TBPL2: variants seen among roughly 807,000 people sequenced by gnomAD.
TBPL2 encodes TATA-box binding protein like 2, also known as TATA box-binding protein-like 2.
TBPL2 carries 40 observed loss-of-function variants against 38.2 expected under a neutral mutation model. The observed-to-expected ratio is 1.05, with a 90% CI of 0.81 to 1.36. The LOEUF is 1.36. Among genes scored for constraint, TBPL2 ranks in the 40% most tolerant of loss-of-function variants. The pLI is 0.00. For synonymous variants in TBPL2, 169 were observed against 171.7 expected (o/e 0.98, Z 0.12); for missense variants, 461 against 456.7 (o/e 1.01, Z -0.09).
intron 4 of TBPL2, among the ~76,000 whole-genome samples, chr14:55,432,843 A>C (rs951392640): frequency 7.9e-5 from 12 of 152,218 alleles, no homozygotes; most frequent in African/African-American, 2.7e-4. Flanking sequence ...ACCCATCAAC[A>C]CAGGGCTTCC....
At chr14:55,427,832 TACACACACAC>T (rs35406194) in intron 5 of TBPL2, among the ~76,000 whole-genome samples, 1 of 145,108 alleles carries the variant, frequency 6.9e-6, no homozygotes, top group African/African-American at 2.6e-5. Context: ...TGCAGCTATA[TACACACACAC>T]ACACACACAC....
intron 1 of TBPL2, 92 bp from the exon 2 acceptor site, chr14:55,437,110 A>G (rs1230711979): frequency 1.8e-6 from 2 of 1,131,248 alleles, no homozygotes; most frequent in African/African-American, 1.5e-5. Flanking sequence ...CAGGCAGGCA[A>G]TGTATTCAGT....
chr14:55,439,614 AC>A (rs576819393), intron 1 of TBPL2, among the ~76,000 whole-genome samples: 992 of 84,628 alleles, frequency 0.012, 117 homozygotes, highest in African/African-American at 0.036. Flanking sequence ...AGAAAAGCAA[AC>A]CCCCCCCCGT....
intron 5 of TBPL2, among the ~76,000 whole-genome samples, chr14:55,428,081 C>A (rs1269382362): frequency 1.4e-5 from 2 of 147,232 alleles, no homozygotes; most frequent in African/African-American, 5.1e-5. Context: ...AGCTGTCAAG[C>A]CCCTTCCTAC....
At chr14:55,416,043 A>G (rs72717766) in intron 6 of TBPL2, among the ~76,000 whole-genome samples, 1,870 of 152,294 alleles carry the variant, frequency 0.012, 11 homozygotes, top group Middle Eastern at 0.024. Flanking sequence ...AGTTAAATCC[A>G]TGGAGACAGA....
At chr14:55,430,440 T>A (rs1355991085) in intron 4 of TBPL2, among the ~76,000 whole-genome samples, 1 of 150,014 alleles carries the variant, frequency 6.7e-6, no homozygotes, top group Admixed American at 6.6e-5. Flanking sequence ...GGGTTTTTGC[T>A]CTGTTACCCA....
chr14:55,440,560 G>T, exon 1 of TBPL2: 1 of 1,578,390 alleles, frequency 6.3e-7, no homozygotes, highest in Non-Finnish European at 8.6e-7. Context: ...GAGCCTGGGG[G>T]CAGCGAGGCG....
chr14:55,433,310 T>A (rs1198390033), intron 4 of TBPL2, among the ~76,000 whole-genome samples: 1 of 13,472 alleles, frequency 7.4e-5, no homozygotes. Flanking sequence ...TAGATTTCTC[T>A]TTTTTTTTTT....
exon 1 of TBPL2, chr14:55,440,475 G>A (rs760013630): frequency 6.2e-7 from 1 of 1,612,246 alleles, no homozygotes; most frequent in Non-Finnish European, 8.5e-7. Flanking sequence ...TGTTGGGGGT[G>A]GGGGCGGGTA....
At chr14:55,416,760 G>A (rs557581021) in intron 6 of TBPL2, among the ~76,000 whole-genome samples, 1 of 152,164 alleles carries the variant, frequency 6.6e-6, no homozygotes, top group Non-Finnish European at 1.5e-5. Flanking sequence ...GAACAACCTT[G>A]TTAGCAGACA....
At chr14:55,439,590 A>T (rs1886072963) in intron 1 of TBPL2, among the ~76,000 whole-genome samples, 1 of 114,026 alleles carries the variant, frequency 8.8e-6, no homozygotes, top group Admixed American at 1.1e-4. Flanking sequence ...CAAGAGTTCA[A>T]CACCAGCCTG....
intron 5 of TBPL2, among the ~76,000 whole-genome samples, chr14:55,428,029 C>T (rs1885856398): frequency 1.2e-5 from 1 of 80,102 alleles, no homozygotes; most frequent in Non-Finnish European, 2.3e-5. Flanking sequence ...CGTGCTACAG[C>T]ATTCTTTTTT....
chr14:55,437,452 T>C (rs1248354918), intron 1 of TBPL2, among the ~76,000 whole-genome samples: 1 of 152,250 alleles, frequency 6.6e-6, no homozygotes, highest in Non-Finnish European at 1.5e-5. Flanking sequence ...CACTCCAGCC[T>C]GGGTATCAGA....
chr14:55,437,001 G>A lies in TBPL2; in HGVS notation c.168C>T (p.Pro56=), dbSNP rs140379061. The A allele has an allele frequency of 2.2e-5, 36 of 1,614,034 alleles. No homozygotes were observed. The African/African-American group carries it at 4.4e-4, about 20-fold the overall frequency. ...CAACTGGGCTGAACAGGGGAGACCT[G>A]GGTGGGGCAAGGCCATCCTAGGCAG... The change falls in exon 2 of 7, where the codon CCC becomes CCT. Residue 56 remains proline, a synonymous_variant. Coordinates refer to ENST00000247219, the Ensembl canonical transcript of TBPL2.
intron 4 of TBPL2, among the ~76,000 whole-genome samples, chr14:55,432,040 C>A (rs1885936241): frequency 6.6e-6 from 1 of 151,844 alleles, no homozygotes; most frequent in Non-Finnish European, 1.5e-5. Flanking sequence ...GCCTTAAGGG[C>A]AAAGCCAAAT....
intron 1 of TBPL2, among the ~76,000 whole-genome samples, chr14:55,439,953 T>G (rs1594795850): frequency 3.1e-5 from 2 of 64,366 alleles, no homozygotes; most frequent in African/African-American, 6.6e-5. Context: ...AAAAAAAAAT[T>G]AGCCAGGTGT....
intron 4 of TBPL2, among the ~76,000 whole-genome samples, chr14:55,432,583 T>C (rs182445347): frequency 6.6e-6 from 1 of 152,352 alleles, no homozygotes; most frequent in Admixed American, 6.5e-5. Flanking sequence ...TAGCAATTTC[T>C]GCACTTCTAA....
chr14:55,428,244 C>T (rs1003939775), intron 5 of TBPL2, among the ~76,000 whole-genome samples: 2 of 147,742 alleles, frequency 1.4e-5, no homozygotes, highest in South Asian at 4.3e-4. Context: ...ATTCTTCTGC[C>T]TCAGCCTCCC....
intron 5 of TBPL2, among the ~76,000 whole-genome samples, chr14:55,426,267 CA>C (rs201408961): frequency 0.1 from 13,058 of 128,144 alleles, 1,709 homozygotes; most frequent in African/African-American, 0.31. Flanking sequence ...AACTCCATCT[CA>C]AAAAAAAAAA....
Sources: allele counts gnomAD v4.1 joint callset (sites outside exome capture counted in the v4.1 genomes callset), GRCh38; gene constraint gnomAD v4.1.1; transcripts MANE v1.5; gene names NCBI Gene and HGNC (gene_info 2026-07-23, HGNC 2026-07-21).